HS1BP3: variants seen among roughly 807,000 people sequenced by gnomAD.
HS1BP3 encodes HCLS1 binding protein 3.
A neutral mutation model predicts 33.5 loss-of-function variants in HS1BP3; 32 were observed. The ratio of observed to expected loss-of-function variants is 0.95; its 90% CI spans 0.72 to 1.28. HS1BP3 has a LOEUF of 1.28. HS1BP3 is among the 50% of genes most tolerant of loss of function. HS1BP3 has a pLI of 0.00. For missense variants in HS1BP3, 486 were observed against 502.3 expected, an observed-to-expected ratio of 0.97 and a Z score of 0.31; for synonymous variants, 187 against 209.2, an observed-to-expected ratio of 0.89 and a Z score of 0.92.
At chr2:20,596,954 TG>T (rs1249252491) in intron 3 of HS1BP3, among the ~76,000 whole-genome samples, 1 of 152,196 alleles carries the variant, frequency 6.6e-6, no homozygotes, top group Non-Finnish European at 1.5e-5. Flanking sequence ...GGGTAGGATT[TG>T]GGCAACTTGA....
chr2:20,624,650 C>T lies in HS1BP3; in HGVS notation c.784+82G>A, dbSNP rs148936232. 2.6e-4 allele frequency: 344 copies of T among 1,346,458 alleles called. 1 individual carries two copies. In the African/African-American group the frequency reaches 3.7e-3, roughly 14 times the overall value. The allele number at this position is 1,346,458 out of a possible 1,614,324, so 83.4% of individuals were successfully genotyped here. A position where few individuals can be genotyped will look rare whatever the true frequency, so the allele number is the denominator to read the frequency against. On this transcript the variant is annotated intron_variant, in intron 5 of 6. Transcript: ENST00000304031. Reference sequence around the variant, plus strand: ...AGGGGAGATATATGGGTCCTATTCACGCCGGGTGAGTCCAGACCCTGCCTG... The same window carrying T: ...AGGGGAGATATATGGGTCCTATTCATGCCGGGTGAGTCCAGACCCTGCCTG...
chr2:20,602,157 GACC>G (rs1265633728), intron 2 of HS1BP3, among the ~76,000 whole-genome samples: 6 of 150,284 alleles, frequency 4.0e-5, no homozygotes, highest in African/African-American at 1.5e-4. Context: ...AAGAGAGCAA[GACC>G]TGCTCTCTTC....
intron 5 of HS1BP3, among the ~76,000 whole-genome samples, chr2:20,582,429 G>T (rs1693556090): frequency 6.6e-6 from 1 of 151,414 alleles, no homozygotes; most frequent in Non-Finnish European, 1.5e-5. Flanking sequence ...GGGAGGGTGG[G>T]CCTCTCAGGC....
chr2:20,601,400 T>C (rs1015643564), intron 2 of HS1BP3, among the ~76,000 whole-genome samples: 6 of 152,310 alleles, frequency 3.9e-5, no homozygotes, highest in Admixed American at 2.0e-4. Context: ...GTTAGAAGTG[T>C]GAATAAACTA....
intron 3 of HS1BP3, among the ~76,000 whole-genome samples, chr2:20,639,124 G>A (rs533116207): frequency 1.3e-5 from 2 of 152,368 alleles, no homozygotes; most frequent in South Asian, 4.1e-4. Context: ...ACAGAGACCT[G>A]CCCCGAGAGT....
downstream of HS1BP3, among the ~76,000 whole-genome samples, chr2:20,587,685 G>A (rs1693713923): frequency 6.6e-6 from 1 of 152,172 alleles, no homozygotes; most frequent in Non-Finnish European, 1.5e-5. Flanking sequence ...GGCAGAGCTT[G>A]CAGTGAGCTG....
At chr2:20,590,246 C>T (rs2882036), downstream of HS1BP3, among the ~76,000 whole-genome samples, 12,402 of 152,184 alleles carry the variant, frequency 0.081, 535 homozygotes, top group South Asian at 0.18. Context: ...AGACTTGAGC[C>T]GAATTCTCAT....
intron 3 of HS1BP3, among the ~76,000 whole-genome samples, chr2:20,595,181 C>T (rs1364132617): frequency 6.6e-6 from 1 of 152,072 alleles, no homozygotes; most frequent in Non-Finnish European, 1.5e-5. Context: ...GGGCAGAGAT[C>T]ACAGCAGCTG....
chr2:20,606,347 CTGCTT>C (rs1694176387), intron 2 of HS1BP3: 1 of 472,242 alleles, frequency 2.1e-6, no homozygotes, highest in Admixed American at 2.4e-5. Context: ...TACTTGAACT[CTGCTT>C]TGAAACCAGT....
intron 2 of HS1BP3, among the ~76,000 whole-genome samples, chr2:20,605,759 A>T (rs1694164418): frequency 6.6e-6 from 1 of 152,298 alleles, no homozygotes; most frequent in Admixed American, 6.5e-5. Flanking sequence ...GTGTGTCAGC[A>T]CTTCTTGTAC....
chr2:20,614,530 T>A (rs569905423), downstream of HS1BP3, among the ~76,000 whole-genome samples: 24 of 152,336 alleles, frequency 1.6e-4, no homozygotes, highest in Non-Finnish European at 2.4e-4. Flanking sequence ...TGGCTCCTGG[T>A]AGAATTGGCT....
chr2:20,554,494 C>A, the HS1BP3 span, among the ~76,000 whole-genome samples: 1 of 152,092 alleles, frequency 6.6e-6, no homozygotes, highest in African/African-American at 2.4e-5. Context: ...AGGCCGAGGC[C>A]GGCGGATCAC....
At chr2:20,610,207 C>T (rs1432837855) in intron 2 of HS1BP3, among the ~76,000 whole-genome samples, 1 of 152,204 alleles carries the variant, frequency 6.6e-6, no homozygotes, top group African/African-American at 2.4e-5. Flanking sequence ...TACATGGACA[C>T]ATGGACGCCT....
intron 1 of HS1BP3, among the ~76,000 whole-genome samples, chr2:20,649,956 G>A (rs904650544): frequency 6.6e-6 from 1 of 152,182 alleles, no homozygotes; most frequent in African/African-American, 2.4e-5. Flanking sequence ...TACTACTGAC[G>A]TTGCTCATGC....
downstream of HS1BP3, among the ~76,000 whole-genome samples, chr2:20,560,276 T>A (rs75009869): frequency 3.9e-5 from 6 of 152,000 alleles, no homozygotes; most frequent in African/African-American, 1.4e-4. Flanking sequence ...CACTATCTCA[T>A]TTGTGGGTGG....
intron 1 of HS1BP3, among the ~76,000 whole-genome samples, chr2:20,648,974 C>T (rs775324237): frequency 3.3e-5 from 5 of 152,188 alleles, no homozygotes; most frequent in Non-Finnish European, 7.3e-5. Flanking sequence ...CAAAATATAT[C>T]GAGAACCCAA....
chr2:20,572,978 G>A (rs568225973), intron 5 of HS1BP3, among the ~76,000 whole-genome samples: 20 of 152,288 alleles, frequency 1.3e-4, no homozygotes, highest in South Asian at 2.1e-4. Flanking sequence ...GGTAGCCACC[G>A]CAACATAGAG....
intron 3 of HS1BP3, among the ~76,000 whole-genome samples, chr2:20,596,259 C>G (rs1282629607): frequency 6.6e-6 from 1 of 152,126 alleles, no homozygotes; most frequent in Non-Finnish European, 1.5e-5. Flanking sequence ...CCTTCAAGAC[C>G]CCAGCTAGGA....
At chr2:20,573,734 C>A (rs1331761921) in intron 5 of HS1BP3, among the ~76,000 whole-genome samples, 1 of 152,212 alleles carries the variant, frequency 6.6e-6, no homozygotes, top group African/African-American at 2.4e-5. Context: ...GGAACAAAAA[C>A]AAGTAATTTT....
Sources: gnomAD v4.1 joint callset for allele counts (sites outside exome capture counted in the v4.1 genomes callset) on GRCh38, gnomAD v4.1.1 for gene constraint, MANE v1.5 for transcripts, NCBI Gene and HGNC (gene_info 2026-07-23, HGNC 2026-07-21) for gene names.